The following SMOC1 variants were observed in gnomAD, a reference collection of about 807,000 sequenced individuals.
SMOC1 encodes SPARC related modular calcium binding 1, also known as SPARC-related modular calcium-binding protein 1.
Under a neutral mutation model 56.3 loss-of-function variants are expected in SMOC1, and 22 were observed. That is an observed-to-expected ratio of 0.39 (90% confidence interval 0.28 to 0.56). The LOEUF is 0.56. SMOC1 is among the 20% of genes least tolerant of loss of function. The pLI, the probability that SMOC1 is intolerant of heterozygous loss-of-function variation, is 0.61. For missense variants in SMOC1, 509 were observed against 565.4 expected, an observed-to-expected ratio of 0.90 and a Z score of 1.01; for synonymous variants, 193 against 215.0, an observed-to-expected ratio of 0.90 and a Z score of 0.89.
At chr14:69,924,201 T>C (rs1884928189) in intron 1 of SMOC1, among the ~76,000 whole-genome samples, 1 of 152,180 alleles carries the variant, frequency 6.6e-6, no homozygotes, top group Non-Finnish European at 1.5e-5. Context: ...AGATCACTCT[T>C]GGTCCTTCCT....
chr14:69,992,639 G>A (rs1443659305), intron 6 of SMOC1, among the ~76,000 whole-genome samples, 166 bp downstream of exon 6: 6 of 152,148 alleles, frequency 3.9e-5, no homozygotes, highest in Non-Finnish European at 8.8e-5. Flanking sequence ...AAAAAATGCA[G>A]ATCCTCCCAG....
chr14:69,961,660 G>A (rs1026968941), intron 3 of SMOC1, among the ~76,000 whole-genome samples: 2 of 152,146 alleles, frequency 1.3e-5, no homozygotes, highest in African/African-American at 4.8e-5. Context: ...ACAGGTGTGG[G>A]CCACCACGCC....
chr14:69,961,699 T>C (rs1391300118), intron 3 of SMOC1, among the ~76,000 whole-genome samples: 3 of 152,202 alleles, frequency 2.0e-5, no homozygotes, highest in African/African-American at 7.2e-5. Flanking sequence ...TTGGCTGTTA[T>C]AAATAGTACT....
At chr14:69,925,275 G>GTAGGGGAGC (rs1353281694) in intron 1 of SMOC1, among the ~76,000 whole-genome samples, 1 of 145,248 alleles carries the variant, frequency 6.9e-6, no homozygotes, top group African/African-American at 2.6e-5. Context: ...AGGAAAAGAG[G>GTAGGGGAGC]TAGGGGAGCT....
chr14:70,025,961 C>A (rs568000300), intron 11 of SMOC1, among the ~76,000 whole-genome samples: 140 of 152,312 alleles, frequency 9.2e-4, no homozygotes, highest in African/African-American at 3.0e-3. Flanking sequence ...TACTACTATT[C>A]TTCTTTGTAA....
intron 10 of SMOC1, among the ~76,000 whole-genome samples, chr14:70,016,500 G>A (rs1885517749): frequency 6.6e-6 from 1 of 152,206 alleles, no homozygotes; most frequent in Non-Finnish European, 1.5e-5. Flanking sequence ...AATCAAGGAA[G>A]TGGGTGGGGA....
intron 3 of SMOC1, among the ~76,000 whole-genome samples, chr14:69,961,533 A>G (rs1380965538): frequency 1.3e-5 from 2 of 151,560 alleles, no homozygotes; most frequent in Non-Finnish European, 2.9e-5. Flanking sequence ...GGTGTGCACC[A>G]TTGCACTTGG....
Position 69,928,481 on chromosome 14 carries a change from C to T in SMOC1, c.100-23657C>T, listed in dbSNP as rs554543978. Among the ~76,000 whole-genome samples, 17 of 152,264 alleles carry T rather than the reference C, an allele frequency of 1.1e-4. No homozygotes were observed. In the South Asian group the frequency reaches 2.3e-3, roughly 20 times the overall value. On this transcript the variant is annotated intron_variant, in intron 1 of 11. Coordinates refer to ENST00000361956, the MANE Select transcript of SMOC1 (RefSeq NM_001034852.3). ...CCAGAGCCAGCCAGGGGTGAGGGTCCGACCCAGCCCAGACAGCTTTATAGC... is the reference window on the plus strand; with the variant it reads ...CCAGAGCCAGCCAGGGGTGAGGGTCTGACCCAGCCCAGACAGCTTTATAGC...
intron 1 of SMOC1, chr14:69,885,327 C>G: frequency 4.6e-6 from 6 of 1,300,582 alleles, no homozygotes; most frequent in Non-Finnish European, 6.6e-6. Context: ...ACAGAAAACT[C>G]AACAGTGTAC....
At chr14:70,011,462 C>A in intron 8 of SMOC1, 23 bp from the exon 9 acceptor site, 3 of 1,571,810 alleles carry the variant, frequency 1.9e-6, no homozygotes, top group Non-Finnish European at 2.6e-6. Context: ...CTCCCAACCC[C>A]CCCCATATCT....
intron 1 of SMOC1, among the ~76,000 whole-genome samples, chr14:69,910,595 AG>A (rs1246082616): frequency 1.1e-4 from 6 of 55,570 alleles, no homozygotes; most frequent in Non-Finnish European, 5.9e-5. Context: ...TTATGTTTGA[AG>A]GATTTTTTTT....
intron 9 of SMOC1, among the ~76,000 whole-genome samples, chr14:70,012,433 T>G (rs1279911715): frequency 6.6e-6 from 1 of 152,196 alleles, no homozygotes; most frequent in Non-Finnish European, 1.5e-5. Flanking sequence ...TATGAATAAA[T>G]GAATACAGGC....
intron 11 of SMOC1, among the ~76,000 whole-genome samples, chr14:70,028,351 T>G (rs1182191511): frequency 6.6e-6 from 1 of 152,148 alleles, no homozygotes; most frequent in Non-Finnish European, 1.5e-5. Context: ...TTCTCTTCCA[T>G]CCTCCCTGAT....
chr14:69,948,133 G>C (rs1007923948), intron 1 of SMOC1, among the ~76,000 whole-genome samples: 1 of 152,222 alleles, frequency 6.6e-6, no homozygotes, highest in African/African-American at 2.4e-5. Flanking sequence ...TGGAGGGTTT[G>C]TGGACACAGA....
intron 3 of SMOC1, among the ~76,000 whole-genome samples, chr14:69,967,984 C>T (rs1304798713): frequency 6.6e-6 from 1 of 152,224 alleles, no homozygotes; most frequent in Admixed American, 6.5e-5. Context: ...CCACTTCTCA[C>T]TGCAGTCAAA....
intron 1 of SMOC1, among the ~76,000 whole-genome samples, chr14:69,888,500 C>T (rs1958079): frequency 2.0e-5 from 3 of 152,180 alleles, no homozygotes; most frequent in Non-Finnish European, 2.9e-5. Context: ...CTCAGTAGAG[C>T]CTTTCCCACC....
At chr14:69,988,926 A>G (rs1470529774) in intron 5 of SMOC1, among the ~76,000 whole-genome samples, 1 of 152,230 alleles carries the variant, frequency 6.6e-6, no homozygotes, top group Non-Finnish European at 1.5e-5. Flanking sequence ...ATATGGATAT[A>G]TCACAATTTA....
chr14:69,934,321 A>C (rs1885243395), intron 1 of SMOC1, among the ~76,000 whole-genome samples: 1 of 152,164 alleles, frequency 6.6e-6, no homozygotes, highest in African/African-American at 2.4e-5. Flanking sequence ...GGGCTTTGAC[A>C]CTGAGTTAGT....
intron 7 of SMOC1, among the ~76,000 whole-genome samples, chr14:70,002,090 G>T (rs1481132639): frequency 1.3e-5 from 2 of 152,202 alleles, no homozygotes; most frequent in Non-Finnish European, 2.9e-5. Flanking sequence ...CTCTCTGGCA[G>T]TTGAGCTTTT....
Sources: allele counts gnomAD v4.1 joint callset (sites outside exome capture counted in the v4.1 genomes callset), GRCh38; gene constraint gnomAD v4.1.1; transcripts MANE v1.5; gene names NCBI Gene and HGNC (gene_info 2026-07-23, HGNC 2026-07-21).